Variants in NEMF observed in about 807,000 individuals in gnomAD.
The protein encoded by NEMF is ribosome quality control complex subunit NEMF.
In NEMF, 89 loss-of-function variants were observed where a neutral mutation model predicts 162.2. That is an observed-to-expected ratio of 0.55 (90% confidence interval 0.46 to 0.65). NEMF has a LOEUF of 0.65. NEMF is among the 30% of genes least tolerant of loss of function. NEMF has a pLI of 0.00. For missense variants in NEMF, 1,133 were observed against 1,261.9 expected (o/e 0.90, Z 1.55); for synonymous variants, 421 against 404.5 (o/e 1.04, Z -0.49).
chr14:49,798,878 G>A (rs1379165930), intron 25 of NEMF, among the ~76,000 whole-genome samples: 1 of 151,936 alleles, frequency 6.6e-6, no homozygotes, highest in Non-Finnish European at 1.5e-5. Context: ...CTGCACTCCA[G>A]CCTGGGCGAC....
Position 49,802,468 on chromosome 14 carries a change from C to T in NEMF, c.2080G>A (p.Glu694Lys). Residue 694 changes from glutamate to lysine, a missense_variant, in exon 22 of 33, where the codon GAA becomes AAA. Physicochemically the swap from Glu to Lys is moderately conservative, Grantham distance 56. Around this residue, in one of 3 missense-constraint regions of NEMF, gnomAD observed 532 missense variants for 578.6 expected, o/e 0.92. Transcript: ENST00000298310. ...TATAAACTACCTAATTGTTCCATTTCTTCTGATATGAGTTCACTTGTACAA... is the reference window on the plus strand; with the variant it reads ...TATAAACTACCTAATTGTTCCATTTTTTCTGATATGAGTTCACTTGTACAA... ...ASCTSELISE[E>K]MEQLDGGDTS... is the part of the protein sequence containing the mutation. 6.2e-7 allele frequency: 1 copy of T among 1,613,194 alleles called. No individual in the cohort carries two copies. The highest frequency in any genetic ancestry group is 8.5e-7 in the Non-Finnish European group (1 of 1,179,734).
Position 49,782,234 on chromosome 14 carries a change from T to G in NEMF, c.*2402A>C, listed in dbSNP as rs1889938874. 2 of 557,996 alleles carry G rather than the reference T, an allele frequency of 3.6e-6. No individual in the cohort carries two copies. The highest frequency in any genetic ancestry group is 6.5e-6 in the Non-Finnish European group (2 of 309,972). 34.6% of individuals were successfully genotyped at this position (557,996 alleles called of 1,614,324 possible). ...CTGCTTTTGCTACTTTCCCTTAAGA[T>G]TTTACTTCTCGCCATGATGTTTTGG... On this transcript the variant is annotated 3_prime_UTR_variant, in exon 33 of 33. Coordinates refer to ENST00000298310, the MANE Select transcript of NEMF (RefSeq NM_004713.6).
At position 49,814,877 on chromosome 14, in the gene NEMF, A is replaced by G. The variant is rs749340423; in HGVS notation, c.1578-20T>C. 2 of 1,422,930 alleles carry G rather than the reference A, an allele frequency of 1.4e-6. No homozygotes were observed. Among genetic ancestry groups the G allele is most frequent in the African/African-American group, 1.4e-5 (1 of 68,996 alleles). The allele number at this position is 1,422,930 out of a possible 1,614,324, so 88.1% of individuals were successfully genotyped here. On this transcript the variant is annotated intron_variant, in intron 16 of 32. Transcript: ENST00000298310. ...TCAAACCTATCAAAATGAAAGAAAA[A>G]AAGTTAACTTTTCTTTATAGCTGCC...
At chr14:49,834,234 G>T in intron 7 of NEMF, 129 bp downstream of exon 7, 2 of 639,148 alleles carry the variant, frequency 3.1e-6, no homozygotes, top group Non-Finnish European at 5.7e-6. Flanking sequence ...GGGATTGCAG[G>T]CATGAGCCAG....
At position 49,803,268 on chromosome 14, in the gene NEMF, T is replaced by C. The variant is rs754354388; in HGVS notation, c.1884A>G (p.Glu628=). The part of the protein sequence containing the change: ...HQVSKTAPTG[E]YLTTGSFMIR... ...TCATGAAGCTTCCTGTTGTCAAATA[T>C]TCTCCAGTTGGTGCTGTTTTAGATA... Residue 628 remains glutamate, a synonymous_variant, in exon 20 of 33, where the codon GAA becomes GAG. Transcript: ENST00000298310. 11 of 1,610,492 alleles carry C rather than the reference T, an allele frequency of 6.8e-6. No individual in the cohort carries two copies. Among genetic ancestry groups the C allele is most frequent in the Non-Finnish European group, 9.3e-6 (11 of 1,176,936 alleles).
rs764828892 is a variant in NEMF at position 49,851,789 on chromosome 14, C to G, written c.128+18G>C. 3.4e-6 allele frequency: 5 copies of G among 1,489,032 alleles called. No individual in the cohort carries two copies. The highest frequency in any genetic ancestry group is 2.8e-6 in the Non-Finnish European group (3 of 1,078,122). The allele number at this position is 1,489,032 out of a possible 1,614,324, so 92.2% of individuals were successfully genotyped here. Reference sequence around the variant, plus strand: ...ACTTAATTGTCAAAGAGAAAATAAGCCTATAAAATGTTCTTACTTTTGAAG... The same window carrying G: ...ACTTAATTGTCAAAGAGAAAATAAGGCTATAAAATGTTCTTACTTTTGAAG... On this transcript the variant is annotated intron_variant, in intron 2 of 32. Transcript: ENST00000298310.
chr14:49,847,509 AT>A (rs934622471), intron 3 of NEMF, among the ~76,000 whole-genome samples: 4 of 151,438 alleles, frequency 2.6e-5, no homozygotes, highest in African/African-American at 9.7e-5. Flanking sequence ...CAGTCCCTTT[AT>A]TTTTTTTAAG....
chr14:49,825,923 T>C lies in NEMF; in HGVS notation c.1521A>G (p.Gln507=). The change falls in exon 16 of 33, where the codon CAA becomes CAG. Residue 507 remains glutamine, a synonymous_variant. Coordinates refer to ENST00000298310, the MANE Select transcript of NEMF (RefSeq NM_004713.6). ...TAACAGTCTGAACTTCTTTTAATGT[T>C]TGCTTTGTTTTCTTTTCTGCTGACT... ...AFKSAEKKTK[Q]TLKEVQTVTS... 2 of 1,611,832 alleles carry C rather than the reference T, an allele frequency of 1.2e-6. No homozygotes were observed. Among genetic ancestry groups the C allele is most frequent in the Non-Finnish European group, 1.7e-6 (2 of 1,178,360 alleles).
intron 4 of NEMF, among the ~76,000 whole-genome samples, chr14:49,842,541 T>A (rs952610567): frequency 1.3e-5 from 2 of 152,208 alleles, no homozygotes; most frequent in Non-Finnish European, 2.9e-5. Context: ...GAAGCATCCA[T>A]GAAAACAGTC....
chr14:49,834,129 T>C (rs1244690646), intron 7 of NEMF: 1 of 590,926 alleles, frequency 1.7e-6, no homozygotes. Context: ...CTCACTCTGT[T>C]GCTCAGGCTG....
chr14:49,804,162 G>A (rs772928200), intron 19 of NEMF, among the ~76,000 whole-genome samples: 29 of 150,912 alleles, frequency 1.9e-4, no homozygotes, highest in Non-Finnish European at 3.0e-4. Context: ...GCACCACCAC[G>A]CCCGGCTAAT....
intron 29 of NEMF, chr14:49,785,571 T>C (rs750527221): frequency 6.7e-5 from 26 of 385,680 alleles, no homozygotes; most frequent in Non-Finnish European, 1.2e-4. Flanking sequence ...TTCAAAATCC[T>C]ACCTACAGTT....
intron 18 of NEMF, among the ~76,000 whole-genome samples, chr14:49,812,143 A>G (rs1891509552): frequency 6.6e-6 from 1 of 152,052 alleles, no homozygotes; most frequent in South Asian, 2.1e-4. Context: ...AGTCAGTTTT[A>G]GTATTTATAT....
rs191388438 is a variant in NEMF at position 49,849,239 on chromosome 14, C to G, written c.231+2324G>C. 3.9e-5 allele frequency among the ~76,000 whole-genome samples: 6 copies of G among 152,130 alleles called. No homozygotes were observed. In the East Asian group the frequency reaches 9.6e-4, roughly 24 times the overall value. ...AGAGTCCCTGAGTAATAATTTTATTCAAGAAAAATAAAGACAAAAGGCATC... is the reference window on the plus strand; with the variant it reads ...AGAGTCCCTGAGTAATAATTTTATTGAAGAAAAATAAAGACAAAAGGCATC... On this transcript the variant is annotated intron_variant, in intron 3 of 32. Coordinates refer to ENST00000298310, the MANE Select transcript of NEMF (RefSeq NM_004713.6).
chr14:49,784,638 A>G lies in NEMF; in HGVS notation c.3229T>C (p.Ter1077GlnextTer3), dbSNP rs752399876. 8 of 1,604,436 alleles carry G rather than the reference A, an allele frequency of 5.0e-6. No homozygotes were observed. Among genetic ancestry groups the G allele is most frequent in the East Asian group, 4.5e-5 (2 of 44,766 alleles). ...APNLLNVKRK* is the reference protein window; with the variant it reads ...APNLLNVKRKQ ...AATATTTTAGAATTTCATTTCAGCTATTTCCTTTTTACGTTCAGAAGATTG... is the reference window on the plus strand; with the variant it reads ...AATATTTTAGAATTTCATTTCAGCTGTTTCCTTTTTACGTTCAGAAGATTG... Residue 1077 changes from the stop codon to glutamine, a stop_lost, in exon 33 of 33, where the codon TAG (stop) becomes CAG (glutamine). Transcript: ENST00000298310.
intron 26 of NEMF, among the ~76,000 whole-genome samples, chr14:49,791,074 G>A (rs1037445429): frequency 2.7e-5 from 4 of 150,912 alleles, no homozygotes; most frequent in East Asian, 2.0e-4. Flanking sequence ...AGTGGCTCAC[G>A]CCTGTAATCC....
At chr14:49,833,928 C>T (rs1213915183) in intron 7 of NEMF, among the ~76,000 whole-genome samples, 2 of 152,140 alleles carry the variant, frequency 1.3e-5, no homozygotes, top group East Asian at 1.9e-4. Flanking sequence ...CATGCTTTTG[C>T]TCCATATAAA....
chr14:49,815,461 A>T (rs1052418043), intron 16 of NEMF, among the ~76,000 whole-genome samples: 57 of 152,218 alleles, frequency 3.7e-4, no homozygotes, highest in Non-Finnish European at 5.0e-4. Flanking sequence ...AGATGAACAT[A>T]AATACTTGCT....
intron 6 of NEMF, among the ~76,000 whole-genome samples, chr14:49,837,590 A>G (rs578241056): frequency 7.9e-5 from 12 of 152,332 alleles, no homozygotes; most frequent in Non-Finnish European, 1.6e-4. Flanking sequence ...TAACAGCTGG[A>G]AAGTTCTAAA....
Sources: gnomAD v4.1 joint callset for allele counts (sites outside exome capture counted in the v4.1 genomes callset) on GRCh38, gnomAD v4.1.1 for gene constraint, gnomAD v4.1.1 regional missense constraint, MANE v1.5 for transcripts, NCBI Gene and HGNC (gene_info 2026-07-23, HGNC 2026-07-21) for gene names.